HR: variants seen among roughly 807,000 people sequenced by gnomAD.
HR encodes the protein HR lysine demethylase and nuclear receptor corepressor.
Under a neutral mutation model 128.6 loss-of-function variants are expected in HR, and 83 were observed. The observed-to-expected ratio is 0.65, with a 90% CI of 0.54 to 0.77. The LOEUF is 0.77. Ranked by LOEUF, HR falls within the 30% of genes least tolerant of loss-of-function variation. The pLI, the probability that HR is intolerant of heterozygous loss-of-function variation, is 0.00. For synonymous variants in HR, 681 were observed against 658.2 expected (o/e 1.03, Z -0.53); for missense variants, 1,490 against 1,574.6 (o/e 0.95, Z 0.91).
chr8:22,122,417 A>AG lies in HR; in HGVS notation c.2121+75dup, dbSNP rs780944076. 38 of 1,010,834 alleles carry AG rather than the reference A, an allele frequency of 3.8e-5. No homozygotes were observed. In the East Asian group the frequency reaches 6.6e-4, roughly 18 times the overall value. 62.6% of individuals were successfully genotyped at this position (1,010,834 alleles called of 1,614,324 possible). ...CTCTCTCTTCATCCCCACCAAGAAA[A>AG]GGGGGGGCCAAACCCCTGCAAAGGT... On this transcript the variant is annotated intron_variant, in intron 8 of 18. Coordinates refer to ENST00000381418, the MANE Select transcript of HR (RefSeq NM_005144.5).
rs747338545 is a variant in HR at position 22,115,662 on chromosome 8, A to C, written c.*38T>G. On this transcript the variant is annotated 3_prime_UTR_variant, in exon 19 of 19. Coordinates refer to ENST00000381418, the MANE Select transcript of HR (RefSeq NM_005144.5). ...TGTGCCTGGGCTGAGCACCTGGTCT[A>C]CCTGTCCCCACCCCGATCCCAGACA... The C allele has an allele frequency of 1.3e-6, 2 of 1,590,116 alleles. No individual in the cohort carries two copies. Among genetic ancestry groups the C allele is most frequent in the Non-Finnish European group, 8.6e-7 (1 of 1,158,446 alleles).
At chr8:22,123,532 G>T (rs1586378889) in intron 6 of HR, 117 bp downstream of exon 6, 1 of 979,242 alleles carries the variant, frequency 1.0e-6, no homozygotes, top group Non-Finnish European at 1.5e-6. Flanking sequence ...GCTGAGGCTG[G>T]GGCTGTGCAG....
rs763305499 is a variant in HR, at chr8:22,127,770, C to A, written c.672G>T (p.Ala224=). 1 of 1,600,556 alleles carries A rather than the reference C, an allele frequency of 6.2e-7. No homozygotes were observed. The highest frequency in any genetic ancestry group is 1.1e-5 in the South Asian group (1 of 91,082). Residue 224 remains alanine, a synonymous_variant, in exon 3 of 19, where the codon GCG becomes GCT. Transcript: ENST00000381418. ...PRLAKEPLAA[A]EPGLFGLNSG... ...AGTTTAAGCCAAACAACCCAGGTTC[C>A]GCAGCTGCCAAGGGCTCCTTTGCCA...
chr8:22,123,423 G>T (rs944891784), intron 6 of HR, among the ~76,000 whole-genome samples: 2 of 152,206 alleles, frequency 1.3e-5, no homozygotes, highest in Admixed American at 6.5e-5. Flanking sequence ...GACACCGAGT[G>T]GGCACACTCG....
Position 22,125,357 on chromosome 8 carries a change from G to C in HR, c.1704C>G (p.Arg568=). The C allele has an allele frequency of 6.2e-7, 1 of 1,604,654 alleles. No individual in the cohort carries two copies. The highest frequency in any genetic ancestry group is 1.1e-5 in the South Asian group (1 of 89,164). ...LLSGLGDRLC[R]LLRREREALA... The stretch of plus-strand genomic sequence containing the variant: ...GGGCCTCCCGCTCCCTCCGCAGCAG[G>C]CGGCACAGTCGGTCCCCCAAACCAC... Residue 568 remains arginine (R), a synonymous_variant, in exon 5 of 19, where the codon CGC becomes CGG. Coordinates refer to ENST00000381418, the MANE Select transcript of HR (RefSeq NM_005144.5).
At chr8:22,129,738 C>T (rs901549152) in intron 1 of HR, among the ~76,000 whole-genome samples, 11 of 152,188 alleles carry the variant, frequency 7.2e-5, no homozygotes. Flanking sequence ...GGCTTGTAGC[C>T]GTGGGAAGTG....
chr8:22,122,972 G>A, intron 6 of HR, 93 bp from the exon 7 acceptor site: 1 of 1,204,616 alleles, frequency 8.3e-7, no homozygotes, highest in East Asian at 2.5e-5. Context: ...CCTAAACCAG[G>A]GGACTCAATA....
At position 22,116,446 on chromosome 8, in the gene HR, G is replaced by C; in HGVS notation, c.3379-18C>G. The stretch of plus-strand genomic sequence containing the variant: ...CCCTGCACCTGTGTCGGGGGGACAT[G>C]GACAGTGAGGCTCAAGATCACACAT... On this transcript the variant is annotated intron_variant, in intron 17 of 18. Coordinates refer to ENST00000381418, the MANE Select transcript of HR (RefSeq NM_005144.5). This position sits in a 1 kb window ranked among gnomAD's most constrained non-coding sequence, Gnocchi z 4.2. 6.2e-7 allele frequency: 1 copy of C among 1,612,630 alleles called. No homozygotes were observed. Among genetic ancestry groups the C allele is most frequent in the Non-Finnish European group, 8.5e-7 (1 of 1,179,422 alleles).
chr8:22,116,435 C>A lies in HR; in HGVS notation c.3379-7G>T. On this transcript the variant is annotated splice_region_variant and splice_polypyrimidine_tract_variant and intron_variant, in intron 17 of 18. Coordinates refer to ENST00000381418, the MANE Select transcript of HR (RefSeq NM_005144.5). The surrounding 1 kb of genome is among the most constrained non-coding windows in gnomAD (Gnocchi z 4.2). ...TGCTCACCAGGCCCTGCACCTGTGT[C>A]GGGGGGACATGGACAGTGAGGCTCA... 1.2e-6 allele frequency: 2 copies of A among 1,613,082 alleles called. No homozygotes were observed. Among genetic ancestry groups the A allele is most frequent in the Non-Finnish European group, 1.7e-6 (2 of 1,179,548 alleles).
In HR at chr8:22,128,878, C is replaced by T. The variant is rs765212418; in HGVS notation, c.293G>A (p.Arg98His). ...VNWLGSKEGL[R>H]WKEAMLTHPL... Reference sequence around the variant, plus strand: ...ATGGGTAAGCATGGCCTCCTTCCAGCGCAGTCCCTCTTTGCTGCCCAGCCA... The same window carrying T: ...ATGGGTAAGCATGGCCTCCTTCCAGTGCAGTCCCTCTTTGCTGCCCAGCCA... The change falls in exon 2 of 19, where the codon CGC becomes CAC. Residue 98 changes from arginine (R) to histidine (H), a missense_variant. By Grantham distance (29) the Arg-to-His change is conservative (BLOSUM62 0). This residue lies in a region of HR where 1,060 missense variants were observed against 1,060.9 expected (regional missense o/e 1.00). Transcript: ENST00000381418. 5.6e-6 allele frequency: 9 copies of T among 1,613,342 alleles called. No homozygotes were observed. Among genetic ancestry groups the T allele is most frequent in the East Asian group, 4.5e-5 (2 of 44,896 alleles).
rs747463567 is a variant in HR at position 22,115,752 on chromosome 8, G to A, written c.3518C>T (p.Ala1173Val). 6.2e-7 allele frequency: 1 copy of A among 1,613,898 alleles called. No individual in the cohort carries two copies. Among genetic ancestry groups the A allele is most frequent in the Non-Finnish European group, 8.5e-7 (1 of 1,179,962 alleles). Residue 1173 changes from alanine to valine, a missense_variant, in exon 19 of 19, where the codon GCT becomes GTT. Physicochemically the swap from Ala to Val is moderately conservative, Grantham distance 64. Coordinates refer to ENST00000381418, the MANE Select transcript of HR (RefSeq NM_005144.5). ...GGCCACCTTCACTGCTTGGAACACA[G>A]CCCAGTCCATCTAGGAAAAAGAGAG... ...CHLLYAQMDW[A>V]VFQAVKVAVG...
rs763148858 is a variant in HR, at chr8:22,119,841, G to A, written c.2896C>T (p.His966Tyr). Residue 966 changes from histidine to tyrosine, a missense_variant, in exon 14 of 19, where the codon CAT becomes TAT. This residue lies in a region of HR where 423 missense variants were observed against 495.9 expected (regional missense o/e 0.85). Coordinates refer to ENST00000381418, the MANE Select transcript of HR (RefSeq NM_005144.5). ...TAGGAAGCCAGGTTGAGTTTTCCAT[G>A]GAGGGCGCAGTACTCCGGAAGTGGC... is the stretch of plus-strand genomic sequence containing the variant. ...SLPLPEYCAL[H>Y]GKLNLASYLP... The A allele has an allele frequency of 3.1e-6, 5 of 1,613,844 alleles. No individual in the cohort carries two copies. The highest frequency in any genetic ancestry group is 4.2e-6 in the Non-Finnish European group (5 of 1,179,998).
chr8:22,123,617 T>TGGGGCCCCCCCCC, intron 6 of HR, 32 bp downstream of exon 6: 2 of 292,092 alleles, frequency 6.8e-6, no homozygotes, highest in Non-Finnish European at 1.2e-5. Context: ...GAGGGCTCCA[T>TGGGGCCCCCCCCC]CCCGCCCTCC....
Position 22,129,143 on chromosome 8 carries a change from C to T in HR, c.28G>A (p.Gly10Ser). Residue 10 changes from glycine (G) to serine (S), a missense_variant, in exon 2 of 19, where the codon GGC (glycine) becomes AGC (serine). Transcript: ENST00000381418. ...GCCGTCTTCTCCCAGGTTGGGGTGC[C>T]CTTCAGGAAGCTGGGCGTACTCTCC... Reference protein sequence around the residue: MESTPSFLKGTPTWEKTAPE... With the variant: MESTPSFLKSTPTWEKTAPE... The T allele has an allele frequency of 6.5e-7, 1 of 1,549,578 alleles. No homozygotes were observed. The highest frequency in any genetic ancestry group is 8.7e-7 in the Non-Finnish European group (1 of 1,152,202).
chr8:22,123,553 G>C, intron 6 of HR, 96 bp downstream of exon 6: 1 of 1,249,762 alleles, frequency 8.0e-7, no homozygotes, highest in South Asian at 1.4e-5. Flanking sequence ...TGGGTAGGGG[G>C]CTTTTTGGGG....
rs1259084202 is a variant in HR, at chr8:22,127,749, T to G, written c.693A>C (p.Leu231Phe). ...LAAAEPGLFG[L>F]NSGGHLQRAG... Reference sequence around the variant, plus strand: ...CTCTCTGCAGGTGCCCACCAGAGTTTAAGCCAAACAACCCAGGTTCCGCAG... The same window carrying G: ...CTCTCTGCAGGTGCCCACCAGAGTTGAAGCCAAACAACCCAGGTTCCGCAG... Residue 231 changes from leucine to phenylalanine, a missense_variant, in exon 3 of 19, where the codon TTA becomes TTC. This residue lies in a region of HR where 1,060 missense variants were observed against 1,060.9 expected (regional missense o/e 1.00). Transcript: ENST00000381418. 6.2e-7 allele frequency: 1 copy of G among 1,603,338 alleles called. No individual in the cohort carries two copies. The highest frequency in any genetic ancestry group is 1.7e-5 in the Admixed American group (1 of 60,022).
chr8:22,115,290 A>G lies in HR; in HGVS notation c.*410T>C. ...GCCCAGTGAGGATGCGGTGGTAGAAACGGAGCTGGGGCAGTAGAGTGGGCT... is the reference window on the plus strand; with the variant it reads ...GCCCAGTGAGGATGCGGTGGTAGAAGCGGAGCTGGGGCAGTAGAGTGGGCT... On this transcript the variant is annotated 3_prime_UTR_variant, in exon 19 of 19. Coordinates refer to ENST00000381418, the MANE Select transcript of HR (RefSeq NM_005144.5). 1 of 307,762 alleles carries G rather than the reference A, an allele frequency of 3.2e-6. No individual in the cohort carries two copies. 19.1% of individuals were successfully genotyped at this position (307,762 alleles called of 1,614,324 possible). A position where few individuals can be genotyped will look rare whatever the true frequency, so the allele number is the denominator to read the frequency against.
chr8:22,122,479 G>C lies in HR; in HGVS notation c.2121+14C>G. 1 of 1,582,330 alleles carries C rather than the reference G, an allele frequency of 6.3e-7. No individual in the cohort carries two copies. The highest frequency in any genetic ancestry group is 8.6e-7 in the Non-Finnish European group (1 of 1,159,436). The stretch of plus-strand genomic sequence containing the variant: ...AGGCACGATACCCAACCGGTGACAT[G>C]CCCTGGGTCTTACCTGCTGGCCTGC... On this transcript the variant is annotated intron_variant, in intron 8 of 18. Coordinates refer to ENST00000381418, the MANE Select transcript of HR (RefSeq NM_005144.5).
rs1241326843 is a variant in HR at position 22,120,370 on chromosome 8, T to G, written c.2748A>C (p.Thr916=). 2.5e-6 allele frequency: 4 copies of G among 1,613,732 alleles called. No individual in the cohort carries two copies. Among genetic ancestry groups the G allele is most frequent in the Non-Finnish European group, 3.4e-6 (4 of 1,180,006 alleles). ...PPQPSSLGST[T]FWEGFSWPEL... is the part of the protein sequence containing the mutation. Reference sequence around the variant, plus strand: ...CAGGCCAGGAGAAGCCCTCCCAGAATGTTGTGCTGCCCAGGCTGCTGGGCT... The same window carrying G: ...CAGGCCAGGAGAAGCCCTCCCAGAAGGTTGTGCTGCCCAGGCTGCTGGGCT... The change falls in exon 12 of 19, where the codon ACA becomes ACC. Residue 916 remains threonine, a synonymous_variant. Coordinates refer to ENST00000381418, the MANE Select transcript of HR (RefSeq NM_005144.5).
Sources: allele counts gnomAD v4.1 joint callset (sites outside exome capture counted in the v4.1 genomes callset), GRCh38; gene constraint gnomAD v4.1.1; regional missense constraint gnomAD v4.1.1; non-coding constraint Gnocchi (gnomAD v3.1); transcripts MANE v1.5; gene names NCBI Gene and HGNC (gene_info 2026-07-23, HGNC 2026-07-21).